MYOF: variants seen among roughly 807,000 people sequenced by gnomAD.
The protein encoded by MYOF is myoferlin.
In MYOF, 244 loss-of-function variants were observed where a neutral mutation model predicts 284.2. That is an observed-to-expected ratio of 0.86 (90% CI 0.77 to 0.95). The LOEUF (loss-of-function observed/expected upper bound fraction) is 0.95. Among genes scored for constraint, MYOF ranks in the 40% least tolerant of loss-of-function variants. The probability of loss-of-function intolerance (pLI) is 0.00; values close to 1 mark genes in which losing one functional copy is unlikely to be tolerated. For missense variants in MYOF, 2,496 were observed against 2,560.6 expected, an observed-to-expected ratio of 0.97 and a Z score of 0.54; for synonymous variants, 904 against 919.7, an observed-to-expected ratio of 0.98 and a Z score of 0.31.
chr10:93,404,118 CAGTG>C (rs776718018), intron 8 of MYOF, 35 bp downstream of exon 8: 1 of 1,613,850 alleles, frequency 6.2e-7, no homozygotes, highest in South Asian at 1.1e-5. Flanking sequence ...CTTTGCCTGG[CAGTG>C]AGTGAGCAGT....
chr10:93,475,659 A>G (rs1364959226), intron 1 of MYOF, among the ~76,000 whole-genome samples: 2 of 152,208 alleles, frequency 1.3e-5, no homozygotes, highest in Non-Finnish European at 2.9e-5. Flanking sequence ...ATTCAACATC[A>G]GTGATGTGCT....
intron 3 of MYOF, among the ~76,000 whole-genome samples, chr10:93,432,104 G>A (rs937857102): frequency 6.6e-6 from 1 of 152,020 alleles, no homozygotes; most frequent in Non-Finnish European, 1.5e-5. Context: ...ACTGAATAGA[G>A]TGGCCAGACA....
At chr10:93,314,323 A>G (rs758293672) in intron 50 of MYOF, among the ~76,000 whole-genome samples, 4 of 152,140 alleles carry the variant, frequency 2.6e-5, no homozygotes, top group Non-Finnish European at 5.9e-5. Flanking sequence ...TCCTGACCTC[A>G]TGTGATCCAC....
chr10:93,344,242 G>T (rs556728157), intron 37 of MYOF, among the ~76,000 whole-genome samples: 10 of 152,220 alleles, frequency 6.6e-5, no homozygotes, highest in Non-Finnish European at 1.2e-4. Context: ...TCTTTAGAGG[G>T]TGCAGGAGTA....
chr10:93,386,856 G>T (rs962153952), intron 19 of MYOF, among the ~76,000 whole-genome samples: 2 of 152,200 alleles, frequency 1.3e-5, no homozygotes, highest in Non-Finnish European at 2.9e-5. Flanking sequence ...GAGGGAGAAG[G>T]CCCTGGCTCG....
rs1239197389 is a variant in MYOF at position 93,381,299 on chromosome 10, A to G, written c.1796T>C (p.Ile599Thr). Residue 599 changes from isoleucine to threonine, a missense_variant, in exon 20 of 54, where the codon ATT (isoleucine) becomes ACT (threonine). Coordinates refer to ENST00000359263, the MANE Select transcript of MYOF (RefSeq NM_013451.4). ...VGEAIQFEVS[I>T]GNYGNKFDTT... Reference sequence around the variant, plus strand: ...GTCAAACTTGTTGCCATAGTTCCCAATGCTGACTTCAAACTGAATGGCCTC... The same window carrying G: ...GTCAAACTTGTTGCCATAGTTCCCAGTGCTGACTTCAAACTGAATGGCCTC... The G allele has an allele frequency of 3.7e-6, 6 of 1,614,184 alleles. No individual in the cohort carries two copies. Among genetic ancestry groups the G allele is most frequent in the Non-Finnish European group, 5.1e-6 (6 of 1,180,034 alleles).
intron 1 of MYOF, among the ~76,000 whole-genome samples, chr10:93,465,520 CTT>C (rs2056983392): frequency 1.1e-5 from 1 of 90,792 alleles, no homozygotes; most frequent in Admixed American, 1.5e-4. Flanking sequence ...TTTCTTTTTT[CTT>C]TCTTTTTTTT....
chr10:93,410,476 TC>T (rs1847855695), intron 5 of MYOF, among the ~76,000 whole-genome samples: 1 of 152,142 alleles, frequency 6.6e-6, no homozygotes, highest in Non-Finnish European at 1.5e-5. Flanking sequence ...ATTTTCAGGC[TC>T]CCCAAATGTC....
intron 24 of MYOF, among the ~76,000 whole-genome samples, chr10:93,370,223 T>C (rs1367848896): frequency 3.3e-5 from 5 of 151,774 alleles, no homozygotes; most frequent in Non-Finnish European, 7.4e-5. Flanking sequence ...AGAAACAAAA[T>C]TCCAGTTTCA....
chr10:93,445,350 C>T (rs2056400281), intron 3 of MYOF, among the ~76,000 whole-genome samples: 1 of 152,214 alleles, frequency 6.6e-6, no homozygotes, highest in Non-Finnish European at 1.5e-5. Flanking sequence ...GTAATGAATG[C>T]AAAGGGCTGG....
intron 3 of MYOF, among the ~76,000 whole-genome samples, chr10:93,442,470 A>T (rs1425410487): frequency 6.6e-6 from 1 of 152,206 alleles, no homozygotes; most frequent in East Asian, 1.9e-4. Context: ...GTCTAATCTC[A>T]TGATTGTACA....
chr10:93,404,449 T>C (rs701864), intron 7 of MYOF, among the ~76,000 whole-genome samples: 81,813 of 152,028 alleles, frequency 0.54, 26,707 homozygotes, highest in South Asian at 0.71. Context: ...GTAACAAATA[T>C]AGCATTTACT....
intron 1 of MYOF, among the ~76,000 whole-genome samples, chr10:93,466,436 C>G (rs759280955): frequency 6.6e-6 from 1 of 152,184 alleles, no homozygotes; most frequent in Non-Finnish European, 1.5e-5. Context: ...TGGGAATGAC[C>G]TTTCAGATGT....
At position 93,477,668 on chromosome 10, in the gene MYOF, G is replaced by A. The variant is rs182745515; in HGVS notation, c.88+4439C>T. On this transcript the variant is annotated intron_variant, in intron 1 of 53. Coordinates refer to ENST00000359263, the MANE Select transcript of MYOF (RefSeq NM_013451.4). ...TCAAGACCAGCCTGACCAACATGGTGAAACCCTGTCTCTACTAAAAATACA... is the reference window on the plus strand; with the variant it reads ...TCAAGACCAGCCTGACCAACATGGTAAAACCCTGTCTCTACTAAAAATACA... Among the ~76,000 whole-genome samples the A allele has an allele frequency of 7.2e-4, 110 of 152,004 alleles. 3 individuals carry two copies. The East Asian group carries it at 0.021, about 29-fold the overall frequency.
At chr10:93,331,659 C>A (rs1843307505) in intron 43 of MYOF, among the ~76,000 whole-genome samples, 1 of 149,964 alleles carries the variant, frequency 6.7e-6, no homozygotes, top group Admixed American at 6.7e-5. Context: ...TACTTCCATT[C>A]CCTGGCCCGG....
chr10:93,406,250 C>T (rs12776063), intron 7 of MYOF, among the ~76,000 whole-genome samples: 8,112 of 127,838 alleles, frequency 0.063, 386 homozygotes, highest in Non-Finnish European at 0.1. Context: ...TGAGCCACCA[C>T]GCCTGGCCAG....
chr10:93,332,793 G>A (rs940792422), intron 43 of MYOF, among the ~76,000 whole-genome samples: 15 of 152,066 alleles, frequency 9.9e-5, no homozygotes, highest in Admixed American at 2.0e-4. Flanking sequence ...CTTGCAGTGA[G>A]CCGAGATCAC....
At chr10:93,477,052 T>C (rs2057278939) in intron 1 of MYOF, among the ~76,000 whole-genome samples, 1 of 152,224 alleles carries the variant, frequency 6.6e-6, no homozygotes, top group African/African-American at 2.4e-5. Context: ...GAATGTAATG[T>C]TGCCACATTG....
intron 16 of MYOF, among the ~76,000 whole-genome samples, chr10:93,394,556 G>T (rs1187822480): frequency 7.2e-6 from 1 of 138,778 alleles, no homozygotes; most frequent in Non-Finnish European, 1.5e-5. Context: ...CGCCTCCCTG[G>T]CTCACGCCAT....
Sources: allele counts gnomAD v4.1 joint callset (sites outside exome capture counted in the v4.1 genomes callset), GRCh38; gene constraint gnomAD v4.1.1; transcripts MANE v1.5; gene names NCBI Gene and HGNC (gene_info 2026-07-23, HGNC 2026-07-21).